EPHA6: variants seen among roughly 807,000 people sequenced by gnomAD.
EPHA6 encodes the protein EPH receptor A6, also known as ephrin type-A receptor 6.
EPHA6 carries 50 observed loss-of-function variants against 112.0 expected under a neutral mutation model. The observed-to-expected ratio is 0.45, with a 90% CI of 0.36 to 0.56. The LOEUF is 0.56. Ranked by LOEUF, EPHA6 falls within the 20% of genes least tolerant of loss-of-function variation. EPHA6 has a pLI of 0.00. For synonymous variants in EPHA6, 529 were observed against 490.7 expected, an observed-to-expected ratio of 1.08 and a Z score of -1.03; for missense variants, 1,280 against 1,417.4, an observed-to-expected ratio of 0.90 and a Z score of 1.56.
At chr3:97,046,219 C>T (rs981459175) in intron 3 of EPHA6, among the ~76,000 whole-genome samples, 6 of 152,190 alleles carry the variant, frequency 3.9e-5, no homozygotes, top group East Asian at 1.9e-4. Context: ...TGTGCAAAAA[C>T]GAATGCAGCA....
chr3:97,218,010 C>A lies in EPHA6; in HGVS notation c.1115-8254C>A, dbSNP rs1445243552. Among the ~76,000 whole-genome samples, 3 of 152,068 alleles carry A rather than the reference C, an allele frequency of 2.0e-5. 1 individual carries two copies. The East Asian group carries it at 5.8e-4, about 29-fold the overall frequency. ...TAAAGGCTGGGTGCAGATGCTTATG[C>A]CTGTAGTCTCAGCACTTTGGCAGAC... On this transcript the variant is annotated intron_variant, in intron 3 of 17. Coordinates refer to ENST00000389672, the MANE Select transcript of EPHA6 (RefSeq NM_001080448.3).
intron 3 of EPHA6, among the ~76,000 whole-genome samples, chr3:97,018,680 G>T (rs564404391): frequency 1.1e-4 from 16 of 152,336 alleles, no homozygotes; most frequent in Middle Eastern, 3.4e-3. Context: ...GGCGGACTAG[G>T]AGCATGACCA....
At chr3:97,315,659 A>G (rs1409379977) in intron 5 of EPHA6, among the ~76,000 whole-genome samples, 1 of 151,772 alleles carries the variant, frequency 6.6e-6, no homozygotes, top group African/African-American at 2.4e-5. Flanking sequence ...AGAAATTTTT[A>G]GTGAAATTTT....
intron 2 of EPHA6, among the ~76,000 whole-genome samples, chr3:96,954,039 A>AT (rs985526556): frequency 2.4e-4 from 36 of 151,630 alleles, no homozygotes; most frequent in Non-Finnish European, 4.3e-4. Flanking sequence ...CACCTGGCTT[A>AT]TTTTTTTTGT....
chr3:96,882,851 T>C (rs2037405776), intron 2 of EPHA6, among the ~76,000 whole-genome samples: 1 of 152,124 alleles, frequency 6.6e-6, no homozygotes, highest in Non-Finnish European at 1.5e-5. Flanking sequence ...GGGTTGGTTC[T>C]ATGAGTTTGC....
At chr3:97,494,510 G>A (rs938363831) in intron 10 of EPHA6, among the ~76,000 whole-genome samples, 2 of 152,002 alleles carry the variant, frequency 1.3e-5, no homozygotes, top group African/African-American at 2.4e-5. Flanking sequence ...TTCCCTATCC[G>A]TGAAATAAAA....
intron 11 of EPHA6, chr3:97,569,920 A>G (rs1041070660): frequency 2.0e-5 from 3 of 152,168 alleles, no homozygotes; most frequent in African/African-American, 4.8e-5. Flanking sequence ...CTCTCTGTGT[A>G]TAGGATGAAG....
Position 97,630,677 on chromosome 3 carries a change from A to T in EPHA6, c.2575-7196A>T, listed in dbSNP as rs540417104. Among the ~76,000 whole-genome samples, 3 of 152,168 alleles carry T rather than the reference A, an allele frequency of 2.0e-5. No individual in the cohort carries two copies. The South Asian group carries it at 6.2e-4, about 32-fold the overall frequency. On this transcript the variant is annotated intron_variant, in intron 13 of 17. Coordinates refer to ENST00000389672, the MANE Select transcript of EPHA6 (RefSeq NM_001080448.3). ...GGGCAGACTTATAGAAGCCTCTTTA[A>T]CACAGACTACAGCTAAAAGATGAAA... is the stretch of plus-strand genomic sequence containing the variant.
At chr3:97,143,878 G>T (rs530144531) in intron 3 of EPHA6, among the ~76,000 whole-genome samples, 3 of 151,662 alleles carry the variant, frequency 2.0e-5, no homozygotes, top group Non-Finnish European at 4.4e-5. Flanking sequence ...AGCTATGTGT[G>T]TATTCAGGGA....
At chr3:97,251,018 A>G (rs2079121540) in intron 5 of EPHA6, among the ~76,000 whole-genome samples, 1 of 151,840 alleles carries the variant, frequency 6.6e-6, no homozygotes. Flanking sequence ...GGTGCCCACC[A>G]CCATGCCTAG....
chr3:96,964,606 C>T (rs1389276515), intron 2 of EPHA6, among the ~76,000 whole-genome samples: 2 of 152,124 alleles, frequency 1.3e-5, no homozygotes, highest in Non-Finnish European at 2.9e-5. Context: ...TGTTTTAGCA[C>T]TGATTGATGC....
chr3:96,815,427 T>G (rs2032697253), intron 1 of EPHA6, among the ~76,000 whole-genome samples: 1 of 151,464 alleles, frequency 6.6e-6, no homozygotes, highest in Non-Finnish European at 1.5e-5. Context: ...GTGCTCCCGC[T>G]GTACCCCGTG....
intron 5 of EPHA6, among the ~76,000 whole-genome samples, chr3:97,357,567 C>T (rs1311841596): frequency 1.3e-5 from 2 of 152,138 alleles, no homozygotes; most frequent in African/African-American, 4.8e-5. Context: ...AGAATTGAAT[C>T]TATTTACACT....
chr3:97,626,397 G>A (rs1483796803), intron 13 of EPHA6, among the ~76,000 whole-genome samples: 1 of 151,718 alleles, frequency 6.6e-6, no homozygotes, highest in African/African-American at 2.4e-5. Flanking sequence ...TTTTCTACAT[G>A]AACACTCAAC....
chr3:97,075,731 G>A (rs1239412198), intron 3 of EPHA6, among the ~76,000 whole-genome samples: 1 of 150,740 alleles, frequency 6.6e-6, no homozygotes, highest in Admixed American at 6.6e-5. Flanking sequence ...CAAATTGAAG[G>A]TTGTGGCAAT....
At chr3:97,745,041 G>T (rs1341141407) in intron 16 of EPHA6, among the ~76,000 whole-genome samples, 2 of 151,860 alleles carry the variant, frequency 1.3e-5, no homozygotes, top group Non-Finnish European at 2.9e-5. Flanking sequence ...GGTTAGTGAA[G>T]TATGGTATAT....
intron 3 of EPHA6, among the ~76,000 whole-genome samples, chr3:97,147,577 GTCC>G (rs1345014855): frequency 1.3e-5 from 2 of 152,036 alleles, no homozygotes; most frequent in Non-Finnish European, 2.9e-5. Context: ...GAAGTACAAT[GTCC>G]TCCTTTTAGT....
chr3:97,294,924 A>C (rs1320361634), intron 5 of EPHA6, among the ~76,000 whole-genome samples: 4 of 152,136 alleles, frequency 2.6e-5, no homozygotes, highest in African/African-American at 9.7e-5. Flanking sequence ...ATAGCCTATA[A>C]GGTTTCTTTA....
intron 14 of EPHA6, among the ~76,000 whole-genome samples, chr3:97,645,662 T>C (rs1250706974): frequency 6.6e-6 from 1 of 151,174 alleles, no homozygotes; most frequent in Non-Finnish European, 1.5e-5. Context: ...ACTTAAAGTA[T>C]AATAAAAAAA....
Sources: gnomAD v4.1 joint callset for allele counts (sites outside exome capture counted in the v4.1 genomes callset) on GRCh38, gnomAD v4.1.1 for gene constraint, MANE v1.5 for transcripts, NCBI Gene and HGNC (gene_info 2026-07-23, HGNC 2026-07-21) for gene names.